The following TLE7 variants were observed in gnomAD, a reference collection of about 807,000 sequenced individuals.
TLE7 encodes the protein transducin-like enhancer protein 7.
rs76671555 is a variant in TLE7 at position 71,439,845 on chromosome 16, C to T, written c.-97+2124G>A. Reference sequence around the variant, plus strand: ...TCAGAGTTAACATGTGACCCAGCAGCTCCACTCTTAAGTATATGCCCCCAA... The same window carrying T: ...TCAGAGTTAACATGTGACCCAGCAGTTCCACTCTTAAGTATATGCCCCCAA... On this transcript the variant is annotated intron_variant, in intron 1 of 9. Transcript: ENST00000561754. Among the ~76,000 whole-genome samples, 769 of 152,322 alleles carry T rather than the reference C, an allele frequency of 5.0e-3. 45 individuals carry two copies. In the East Asian group the frequency reaches 0.12, roughly 23 times the overall value.
At chr16:71,434,985 G>A (rs1283552147) in intron 1 of TLE7, among the ~76,000 whole-genome samples, 1 of 152,226 alleles carries the variant, frequency 6.6e-6, no homozygotes, top group East Asian at 1.9e-4. Context: ...CCTTTGCAGA[G>A]CCAAGATTGC....
chr16:71,438,436 A>G (rs1158312685), intron 1 of TLE7, among the ~76,000 whole-genome samples: 2 of 146,982 alleles, frequency 1.4e-5, no homozygotes, highest in Admixed American at 6.7e-5. Context: ...AAAAAAAAAA[A>G]AAAAAGAGAG....
At position 71,432,730 on chromosome 16, in the gene TLE7, G is replaced by A; in HGVS notation, c.335-7C>T. On this transcript the variant is annotated splice_region_variant and splice_polypyrimidine_tract_variant and intron_variant, in intron 3 of 9. Transcript: ENST00000561754. ...GAAGAAGAGTAAGGCTGGCCTGCAG[G>A]GAAAGAGCAATGCCCACCTGCTCAC... The A allele has an allele frequency of 2.5e-6, 1 of 398,696 alleles. No homozygotes were observed. The highest frequency in any genetic ancestry group is 4.4e-5 in the Admixed American group (1 of 22,734). 24.7% of individuals were successfully genotyped at this position (398,696 alleles called of 1,614,324 possible). A position where few individuals can be genotyped will look rare whatever the true frequency, so the allele number is the denominator to read the frequency against.
intron 1 of TLE7, among the ~76,000 whole-genome samples, chr16:71,441,148 C>T (rs2042846234): frequency 6.6e-6 from 1 of 152,228 alleles, no homozygotes; most frequent in Non-Finnish European, 1.5e-5. Flanking sequence ...TCTCAGGAGC[C>T]CGCCGGCAAC....
At position 71,431,352 on chromosome 16, in the gene TLE7, C is replaced by T. The variant is rs141101898; in HGVS notation, c.993+69G>A. On this transcript the variant is annotated intron_variant, in intron 7 of 9. Coordinates refer to ENST00000561754, the MANE Select transcript of TLE7 (RefSeq NM_001367365.2). The surrounding 1 kb of genome is among the most constrained non-coding windows in gnomAD (Gnocchi z 4.5). ...TTTGTGCCCACCTCTCAAGCTCACA[C>T]TCCCACCCCTGCCTCCATGCATGGC... 3.8e-4 allele frequency: 150 copies of T among 399,526 alleles called. No homozygotes were observed. Among genetic ancestry groups the T allele is most frequent in the Middle Eastern group, 1.4e-3 (3 of 2,126 alleles). The allele number at this position is 399,526 out of a possible 1,614,324, so 24.7% of individuals were successfully genotyped here. A position where few individuals can be genotyped will look rare whatever the true frequency, so the allele number is the denominator to read the frequency against.
Position 71,433,235 on chromosome 16 carries a change from G to A in TLE7, c.90C>T (p.Gly30=), listed in dbSNP as rs985593898. ...EERRDVLESS[G]VSSQPEPQVQ... is the part of the protein sequence containing the mutation. Reference sequence around the variant, plus strand: ...CTTGTGGCTCAGGCTGAGAGGAAACGCCAGAGCTTTCCAGCACATCCCTCC... The same window carrying A: ...CTTGTGGCTCAGGCTGAGAGGAAACACCAGAGCTTTCCAGCACATCCCTCC... The change falls in exon 2 of 10, where the codon GGC becomes GGT. Residue 30 remains glycine, a synonymous_variant. Coordinates refer to ENST00000561754, the MANE Select transcript of TLE7 (RefSeq NM_001367365.2). 5 of 398,642 alleles carry A rather than the reference G, an allele frequency of 1.3e-5. No homozygotes were observed. The highest frequency in any genetic ancestry group is 8.8e-5 in the Admixed American group (2 of 22,716). The allele number at this position is 398,642 out of a possible 1,614,324, so 24.7% of individuals were successfully genotyped here.
At chr16:71,432,982 C>G (rs1441063337) in intron 2 of TLE7, 32 bp downstream of exon 2, 8 of 398,950 alleles carry the variant, frequency 2.0e-5, no homozygotes, top group Non-Finnish European at 3.5e-5. Context: ...CAGTTTGCCA[C>G]CCCCACTGAG....
chr16:71,441,375 G>A (rs1269655522), intron 1 of TLE7, among the ~76,000 whole-genome samples: 2 of 152,238 alleles, frequency 1.3e-5, no homozygotes, highest in African/African-American at 4.8e-5. Flanking sequence ...GTGCGCCACC[G>A]CGTTGCAATG....
rs551480534 is a variant in TLE7, at chr16:71,435,701, A to T, written c.-96-2281T>A. 4.6e-5 allele frequency among the ~76,000 whole-genome samples: 7 copies of T among 152,384 alleles called. No homozygotes were observed. The South Asian group carries it at 1.4e-3, about 32-fold the overall frequency. ...CTTTTCTGCATATTTCTGGACATTC[A>T]AACCTATGTTAAAAATGGTTGGATC... On this transcript the variant is annotated intron_variant, in intron 1 of 9. Coordinates refer to ENST00000561754, the MANE Select transcript of TLE7 (RefSeq NM_001367365.2).
chr16:71,432,614 T>C (rs893324141), intron 4 of TLE7, 51 bp downstream of exon 4: 4 of 398,744 alleles, frequency 1.0e-5, no homozygotes, highest in Admixed American at 4.4e-5. Flanking sequence ...GGTTTCTTGA[T>C]TGGGGGTAGG....
rs2042799246 is a variant in TLE7, at chr16:71,430,848, A to G, written c.1148-107T>C. 4 of 397,206 alleles carry G rather than the reference A, an allele frequency of 1.0e-5. No individual in the cohort carries two copies. In the East Asian group the frequency reaches 1.1e-4, roughly 11 times the overall value. 24.6% of individuals were successfully genotyped at this position (397,206 alleles called of 1,614,324 possible). A position where few individuals can be genotyped will look rare whatever the true frequency, so the allele number is the denominator to read the frequency against. ...CAAGTCTTTCTCTGCCTGTTTCCCTATCTATGAAAATCAGACACACAACCC... is the reference window on the plus strand; with the variant it reads ...CAAGTCTTTCTCTGCCTGTTTCCCTGTCTATGAAAATCAGACACACAACCC... On this transcript the variant is annotated intron_variant, in intron 8 of 9. Coordinates refer to ENST00000561754, the MANE Select transcript of TLE7 (RefSeq NM_001367365.2).
At position 71,431,289 on chromosome 16, in the gene TLE7, A is replaced by C; in HGVS notation, c.994-15T>G. On this transcript the variant is annotated splice_polypyrimidine_tract_variant and intron_variant, in intron 7 of 9. Transcript: ENST00000561754. The surrounding 1 kb of genome is among the most constrained non-coding windows in gnomAD (Gnocchi z 4.5). ...ATGCTGAGGATCTGTTCGTGGAAGC[A>C]GGTTTGAGGTCAGCACTCAAAGTTG... is the stretch of plus-strand genomic sequence containing the variant. 2.5e-6 allele frequency: 1 copy of C among 399,398 alleles called. No homozygotes were observed. The allele number at this position is 399,398 out of a possible 1,614,324, so 24.7% of individuals were successfully genotyped here.
intron 1 of TLE7, among the ~76,000 whole-genome samples, chr16:71,434,972 T>C (rs938200289): frequency 2.0e-5 from 3 of 152,240 alleles, no homozygotes; most frequent in African/African-American, 7.2e-5. Flanking sequence ...TTGTTTGTTA[T>C]AACCTTTGCA....
In TLE7 at chr16:71,433,304, C is replaced by T. The variant is rs549812566; in HGVS notation, c.21G>A (p.Glu7=). 2.5e-6 allele frequency: 1 copy of T among 398,674 alleles called. No individual in the cohort carries two copies. The highest frequency in any genetic ancestry group is 3.6e-5 in the East Asian group (1 of 28,072). The allele number at this position is 398,674 out of a possible 1,614,324, so 24.7% of individuals were successfully genotyped here. MSGEKE[E]ASLRMFGAYG... ...AAGCCCCGAACATTCTGAGCGATGC[C>T]TCTTCCTTCTCTCCACTCATGTTCT... Residue 7 remains glutamate (E), a synonymous_variant, in exon 2 of 10, where the codon GAG becomes GAA. Coordinates refer to ENST00000561754, the MANE Select transcript of TLE7 (RefSeq NM_001367365.2).
In TLE7 at chr16:71,438,253, T is replaced by C. The variant is rs76608758; in HGVS notation, c.-97+3716A>G. Among the ~76,000 whole-genome samples the C allele has an allele frequency of 2.6e-5, 4 of 151,680 alleles. No homozygotes were observed. The South Asian group carries it at 8.3e-4, about 32-fold the overall frequency. On this transcript the variant is annotated intron_variant, in intron 1 of 9. Coordinates refer to ENST00000561754, the MANE Select transcript of TLE7 (RefSeq NM_001367365.2). ...TTCGAGACCAGCCTGGCCAACGTGGTGAAACCCGTCTCTAATAAAAATACA... is the reference window on the plus strand; with the variant it reads ...TTCGAGACCAGCCTGGCCAACGTGGCGAAACCCGTCTCTAATAAAAATACA...
chr16:71,440,298 T>C (rs1259981708), intron 1 of TLE7, among the ~76,000 whole-genome samples: 3 of 152,178 alleles, frequency 2.0e-5, no homozygotes, highest in Admixed American at 2.0e-4. Context: ...AACATTGTGA[T>C]GTACCTAATG....
At chr16:71,440,228 C>T (rs1022964641) in intron 1 of TLE7, among the ~76,000 whole-genome samples, 1 of 152,196 alleles carries the variant, frequency 6.6e-6, no homozygotes, top group Non-Finnish European at 1.5e-5. Context: ...CTTAATGGGT[C>T]TGGAATTCCT....
intron 1 of TLE7, among the ~76,000 whole-genome samples, chr16:71,439,830 C>T (rs2042840336): frequency 6.6e-6 from 1 of 152,184 alleles, no homozygotes; most frequent in Non-Finnish European, 1.5e-5. Flanking sequence ...TCAGAGTTAA[C>T]ATGTGACCCA....
chr16:71,436,020 G>T (rs1235019062), intron 1 of TLE7, among the ~76,000 whole-genome samples: 1 of 152,180 alleles, frequency 6.6e-6, no homozygotes, highest in Non-Finnish European at 1.5e-5. Flanking sequence ...GGAAGAGTCA[G>T]TATCACCGAT....
Sources: gnomAD v4.1 joint callset for allele counts (sites outside exome capture counted in the v4.1 genomes callset) on GRCh38, gnomAD v4.1.1 for gene constraint, Gnocchi (gnomAD v3.1) non-coding constraint, MANE v1.5 for transcripts, NCBI Gene and HGNC (gene_info 2026-07-23, HGNC 2026-07-21) for gene names.